Variants in CSMD1 observed in about 807,000 individuals in gnomAD.
CSMD1 encodes the protein CUB and sushi domain-containing protein 1.
CSMD1 carries 213 observed loss-of-function variants against 417.5 expected under a neutral mutation model. The ratio of observed to expected loss-of-function variants is 0.51; its 90% CI spans 0.46 to 0.57. The LOEUF is 0.57. CSMD1 is among the 20% of genes least tolerant of loss of function. The pLI is 0.00. For missense variants in CSMD1, 6,923 were observed against 4,529.7 expected (o/e 1.53, Z -15.17); for synonymous variants, 2,862 against 1,736.8 (o/e 1.65, Z -16.11).
chr8:3,555,379 G>A (rs1294742109), intron 10 of CSMD1, among the ~76,000 whole-genome samples: 3 of 152,090 alleles, frequency 2.0e-5, no homozygotes, highest in African/African-American at 4.8e-5. Flanking sequence ...ATGACAGTCT[G>A]AACGCTGTAA....
chr8:3,384,395 A>G (rs1810837204), intron 18 of CSMD1, among the ~76,000 whole-genome samples: 1 of 151,808 alleles, frequency 6.6e-6, no homozygotes, highest in Non-Finnish European at 1.5e-5. Context: ...TGGAATAATT[A>G]TATTATAAAT....
intron 26 of CSMD1, among the ~76,000 whole-genome samples, chr8:3,257,307 A>G (rs1376163957): frequency 6.6e-6 from 1 of 152,228 alleles, no homozygotes; most frequent in East Asian, 1.9e-4. Flanking sequence ...CCGCGCTATA[A>G]GAGTGAAACT....
At chr8:3,562,530 C>T (rs79001310) in intron 10 of CSMD1, among the ~76,000 whole-genome samples, 8,471 of 152,130 alleles carry the variant, frequency 0.056, 402 homozygotes, top group Admixed American at 0.16. Context: ...TTATTTTAGC[C>T]TGCTTGGCAA....
chr8:4,193,044 G>C (rs1027312127), intron 3 of CSMD1, among the ~76,000 whole-genome samples: 5 of 152,168 alleles, frequency 3.3e-5, no homozygotes, highest in African/African-American at 1.2e-4. Flanking sequence ...TTAAGTTAAT[G>C]TCATTATGTA....
At chr8:4,764,799 G>A (rs1444691236) in intron 1 of CSMD1, among the ~76,000 whole-genome samples, 1 of 147,246 alleles carries the variant, frequency 6.8e-6, no homozygotes, top group African/African-American at 2.5e-5. Context: ...TGTGAACCCA[G>A]GAGGCAGAGC....
intron 1 of CSMD1, among the ~76,000 whole-genome samples, chr8:4,920,860 A>G (rs1249949169): frequency 2.3e-4 from 1 of 4,312 alleles, no homozygotes; most frequent in African/African-American, 4.6e-4. Flanking sequence ...AGAAAAGAAA[A>G]GAAAAGAAAA....
intron 3 of CSMD1, among the ~76,000 whole-genome samples, chr8:4,155,269 C>T (rs949933850): frequency 6.6e-6 from 1 of 152,114 alleles, no homozygotes; most frequent in African/African-American, 2.4e-5. Context: ...TGAATAAGTC[C>T]GGGTGTGAAT....
intron 3 of CSMD1, among the ~76,000 whole-genome samples, chr8:4,278,460 T>C (rs892778099): frequency 6.6e-6 from 1 of 152,204 alleles, no homozygotes; most frequent in African/African-American, 2.4e-5. Context: ...TAAAATATAA[T>C]TTTTTAACAT....
At chr8:3,168,688 A>G (rs1222873124) in intron 37 of CSMD1, among the ~76,000 whole-genome samples, 1 of 152,090 alleles carries the variant, frequency 6.6e-6, no homozygotes, top group African/African-American at 2.4e-5. Context: ...CATTAATAAC[A>G]TAGTACCTTA....
chr8:3,921,050 T>A (rs2129144028), intron 5 of CSMD1, among the ~76,000 whole-genome samples: 1 of 152,226 alleles, frequency 6.6e-6, no homozygotes, highest in East Asian at 1.9e-4. Flanking sequence ...GTTGGTTTAG[T>A]GTTTCTTTAA....
At chr8:4,354,883 TG>T (rs1801315555) in intron 3 of CSMD1, among the ~76,000 whole-genome samples, 2 of 149,618 alleles carry the variant, frequency 1.3e-5, no homozygotes, top group African/African-American at 4.9e-5. Flanking sequence ...TGTGTGTGTG[TG>T]TGTGTGTGTG....
chr8:4,516,113 T>C (rs139255384), intron 2 of CSMD1, among the ~76,000 whole-genome samples: 6 of 152,214 alleles, frequency 3.9e-5, no homozygotes, highest in Non-Finnish European at 7.4e-5. Context: ...GGCTGAGTTC[T>C]TTAGAGAGTA....
At chr8:3,620,473 C>T (rs1452926686) in intron 7 of CSMD1, among the ~76,000 whole-genome samples, 1 of 151,992 alleles carries the variant, frequency 6.6e-6, no homozygotes, top group Non-Finnish European at 1.5e-5. Flanking sequence ...TGCATTTACG[C>T]TAATAGTTAC....
At chr8:4,846,364 C>T (rs758754677) in intron 1 of CSMD1, among the ~76,000 whole-genome samples, 2 of 152,144 alleles carry the variant, frequency 1.3e-5, no homozygotes, top group East Asian at 3.9e-4. Flanking sequence ...GGTTTCCTTG[C>T]TTGGAGGGCT....
At chr8:4,803,136 T>C (rs771879004) in intron 1 of CSMD1, among the ~76,000 whole-genome samples, 10 of 152,206 alleles carry the variant, frequency 6.6e-5, no homozygotes, top group South Asian at 2.1e-4. Context: ...TTTTTGCCCA[T>C]ACAATGGACT....
intron 5 of CSMD1, among the ~76,000 whole-genome samples, chr8:3,796,641 G>C (rs929651863): frequency 9.4e-5 from 14 of 148,374 alleles, no homozygotes; most frequent in African/African-American, 3.4e-4. Flanking sequence ...CTAATGTATA[G>C]ATATAGATAT....
chr8:3,608,591 G>C (rs938531751), intron 8 of CSMD1, among the ~76,000 whole-genome samples: 1 of 151,730 alleles, frequency 6.6e-6, no homozygotes, highest in Admixed American at 6.6e-5. Context: ...GTGAAACCCC[G>C]TCTCTATTAA....
intron 22 of CSMD1, among the ~76,000 whole-genome samples, chr8:3,344,092 G>A (rs963423185): frequency 1.3e-5 from 2 of 152,208 alleles, no homozygotes; most frequent in Admixed American, 6.5e-5. Context: ...GAGAGTAGAT[G>A]TAATAAGTAT....
At chr8:4,148,148 G>T (rs1714820) in intron 3 of CSMD1, among the ~76,000 whole-genome samples, 2 of 151,962 alleles carry the variant, frequency 1.3e-5, no homozygotes, top group African/African-American at 4.8e-5. Flanking sequence ...GCTCAACTTA[G>T]AGTCAATAAC....
Sources: allele counts gnomAD v4.1 joint callset (sites outside exome capture counted in the v4.1 genomes callset), GRCh38; gene constraint gnomAD v4.1.1; transcripts MANE v1.5; gene names NCBI Gene and HGNC (gene_info 2026-07-23, HGNC 2026-07-21).